ANKRD27: variants seen among roughly 807,000 people sequenced by gnomAD.
ANKRD27 encodes the protein ankyrin repeat domain 27, also known as ankyrin repeat domain-containing protein 27.
ANKRD27 carries 112 observed loss-of-function variants against 129.7 expected under a neutral mutation model. That is an observed-to-expected ratio of 0.86 (90% CI 0.74 to 1.01). ANKRD27 has a LOEUF of 1.01. Ranked by LOEUF, ANKRD27 falls within the 50% of genes least tolerant of loss-of-function variation. The pLI, the probability that ANKRD27 is intolerant of heterozygous loss-of-function variation, is 0.00. For synonymous variants in ANKRD27, 516 were observed against 511.2 expected, an observed-to-expected ratio of 1.01 and a Z score of -0.13; for missense variants, 1,258 against 1,300.5, an observed-to-expected ratio of 0.97 and a Z score of 0.50.
chr19:32,647,950 T>C (rs1208301635), intron 3 of ANKRD27, among the ~76,000 whole-genome samples: 5 of 152,172 alleles, frequency 3.3e-5, no homozygotes, highest in African/African-American at 1.2e-4. Context: ...AACAGCTCAA[T>C]GTTTTTTCTG....
rs147498918 is a variant in ANKRD27 at position 32,599,722 on chromosome 19, G to A, written c.2901C>T (p.Thr967=). ...AACTTACCTCATGCAAAGAACCTTC[G>A]GTTAAATTAGGGACACTTCTATCTC... ...MARDRSVPNL[T]EGSLHEPGRQ... is the part of the protein sequence containing the mutation. Residue 967 remains threonine, a synonymous_variant, in exon 28 of 29, where the codon ACC becomes ACT. Transcript: ENST00000306065. The A allele has an allele frequency of 1.9e-4, 308 of 1,612,962 alleles. No homozygotes were observed. Among genetic ancestry groups the A allele is most frequent in the Non-Finnish European group, 2.5e-4 (299 of 1,179,772 alleles).
intron 26 of ANKRD27, chr19:32,600,383 T>C (rs868620732): frequency 1.5e-5 from 3 of 194,246 alleles, no homozygotes; most frequent in East Asian, 1.2e-4. Flanking sequence ...CTACCCAAAA[T>C]ACAAAAACTT....
At chr19:32,672,888 T>G (rs867074755) in intron 1 of ANKRD27, 1 of 152,284 alleles carries the variant, frequency 6.6e-6, no homozygotes, top group Non-Finnish European at 1.5e-5. Context: ...TCTGGATCCT[T>G]CTGGGCTGAA....
chr19:32,671,299 AGT>A (rs1218779373), intron 1 of ANKRD27, among the ~76,000 whole-genome samples: 1 of 151,736 alleles, frequency 6.6e-6, no homozygotes, highest in Admixed American at 6.6e-5. Context: ...AAAAAAAAAA[AGT>A]AATAATCTCA....
rs533210419 is a variant in ANKRD27, at chr19:32,655,816, G to A, written c.102+3098C>T. 1.9e-4 allele frequency among the ~76,000 whole-genome samples: 29 copies of A among 152,082 alleles called. No individual in the cohort carries two copies. In the East Asian group the frequency reaches 3.5e-3, roughly 18 times the overall value. On this transcript the variant is annotated intron_variant, in intron 2 of 28. Coordinates refer to ENST00000306065, the MANE Select transcript of ANKRD27 (RefSeq NM_032139.3). Reference sequence around the variant, plus strand: ...ATGGATCACTTGAGGTCAGGAGTTCGAGACCAGCCTGCTCAACATAGTGAA... The same window carrying A: ...ATGGATCACTTGAGGTCAGGAGTTCAAGACCAGCCTGCTCAACATAGTGAA...
chr19:32,619,320 G>A lies in ANKRD27; in HGVS notation c.1947C>T (p.Ser649=). The part of the protein sequence containing the change: ...VDSISQESST[S]SFSSMSASSR... Reference sequence around the variant, plus strand: ...AGCTGGCTGACATGGAGGAGAAGCTGGAAGTGGAGGACTCTTGGCTGATGG... The same window carrying A: ...AGCTGGCTGACATGGAGGAGAAGCTAGAAGTGGAGGACTCTTGGCTGATGG... The change falls in exon 20 of 29, where the codon TCC becomes TCT. Residue 649 remains serine (S), a synonymous_variant. Coordinates refer to ENST00000306065, the MANE Select transcript of ANKRD27 (RefSeq NM_032139.3). 2 of 1,614,012 alleles carry A rather than the reference G, an allele frequency of 1.2e-6. No individual in the cohort carries two copies. The highest frequency in any genetic ancestry group is 1.7e-6 in the Non-Finnish European group (2 of 1,180,026).
chr19:32,663,521 T>A (rs1264003254), intron 1 of ANKRD27, among the ~76,000 whole-genome samples: 1 of 152,232 alleles, frequency 6.6e-6, no homozygotes, highest in Admixed American at 6.5e-5. Flanking sequence ...AAATCAAGTG[T>A]CTAATTATAT....
intron 2 of ANKRD27, among the ~76,000 whole-genome samples, chr19:32,651,381 T>G (rs894047206): frequency 6.6e-6 from 1 of 151,866 alleles, no homozygotes; most frequent in Non-Finnish European, 1.5e-5. Flanking sequence ...AGGAACTTCT[T>G]TTTTTTTGAG....
chr19:32,621,499 G>A (rs891551039), intron 18 of ANKRD27, among the ~76,000 whole-genome samples: 2 of 152,004 alleles, frequency 1.3e-5, no homozygotes, highest in African/African-American at 2.4e-5. Context: ...GTGGTGGTGG[G>A]CACCTGTAAT....
chr19:32,649,642 C>G, intron 3 of ANKRD27, 40 bp downstream of exon 3: 1 of 1,396,540 alleles, frequency 7.2e-7, no homozygotes, highest in Middle Eastern at 1.8e-4. Context: ...CCCCAAACAC[C>G]GAGTAGGTGA....
At chr19:32,634,366 A>T (rs1967051921) in intron 12 of ANKRD27, among the ~76,000 whole-genome samples, 1 of 152,226 alleles carries the variant, frequency 6.6e-6, no homozygotes, top group South Asian at 2.1e-4. Flanking sequence ...CAGTAAATAT[A>T]CGAGCATCTC....
chr19:32,625,968 T>A lies in ANKRD27; in HGVS notation c.1537-2A>T, dbSNP rs1972084222. On this transcript the variant is annotated splice_acceptor_variant, in intron 16 of 28. Transcript: ENST00000306065. LOFTEE classifies it high-confidence loss of function. ...GGCCTTGTAGTGCAGCAGCAGCAGC[T>A]GCGGAGATAAAGGAAAGCGATGAGC... 6.2e-7 allele frequency: 1 copy of A among 1,603,168 alleles called. No homozygotes were observed. Among genetic ancestry groups the A allele is most frequent in the African/African-American group, 1.3e-5 (1 of 74,770 alleles).
chr19:32,616,379 C>T (rs1971919640), intron 21 of ANKRD27, among the ~76,000 whole-genome samples: 1 of 151,962 alleles, frequency 6.6e-6, no homozygotes, highest in African/African-American at 2.4e-5. Flanking sequence ...ATGGTGAAAC[C>T]CCGTCTCTGC....
At position 32,615,670 on chromosome 19, in the gene ANKRD27, G is replaced by A. The variant is rs759293979; in HGVS notation, c.2163C>T (p.Ala721=). 14 of 1,614,148 alleles carry A rather than the reference G, an allele frequency of 8.7e-6. No homozygotes were observed. Among genetic ancestry groups the A allele is most frequent in the Non-Finnish European group, 1.1e-5 (13 of 1,180,028 alleles). The change falls in exon 22 of 29, where the codon GCC becomes GCT. Residue 721 remains alanine (A), a synonymous_variant. Transcript: ENST00000306065. ...CHPLCQCPKC[A]PAQKRLAKVP... is the part of the protein sequence containing the mutation. ...AACAAAGCCAAACCTTCTGAGCTGGGGCACACTTGGGGCACTGGCACAACG... is the reference window on the plus strand; with the variant it reads ...AACAAAGCCAAACCTTCTGAGCTGGAGCACACTTGGGGCACTGGCACAACG...
intron 22 of ANKRD27, among the ~76,000 whole-genome samples, chr19:32,612,248 T>G (rs532848570): frequency 7.9e-5 from 12 of 152,268 alleles, no homozygotes; most frequent in Non-Finnish European, 1.6e-4. Flanking sequence ...CTTGGAGAGA[T>G]GTACCATGTT....
intron 25 of ANKRD27, among the ~76,000 whole-genome samples, chr19:32,603,142 C>A (rs906877767): frequency 3.3e-5 from 5 of 151,926 alleles, no homozygotes; most frequent in Admixed American, 6.6e-5. Context: ...ACAAAAAATA[C>A]AAAAATTTAG....
intron 10 of ANKRD27, among the ~76,000 whole-genome samples, chr19:32,640,728 C>T (rs535818605): frequency 6.6e-6 from 1 of 152,178 alleles, no homozygotes; most frequent in Non-Finnish European, 1.5e-5. Flanking sequence ...ATAGCAAGAC[C>T]CCCACCTCTA....
At chr19:32,617,742 C>T (rs981459130) in intron 20 of ANKRD27, 109 bp from the exon 21 acceptor site, 11 of 476,986 alleles carry the variant, frequency 2.3e-5, no homozygotes, top group South Asian at 1.5e-4. Context: ...GGACTTTTAA[C>T]GTCTGATTTA....
intron 2 of ANKRD27, among the ~76,000 whole-genome samples, chr19:32,656,063 G>A (rs200016734): frequency 5.0e-4 from 19 of 38,146 alleles, no homozygotes; most frequent in African/African-American, 1.6e-3. Flanking sequence ...AGAAAGAAAA[G>A]AAAGAAAGAA....
Sources: allele counts gnomAD v4.1 joint callset (sites outside exome capture counted in the v4.1 genomes callset), GRCh38; gene constraint gnomAD v4.1.1; transcripts MANE v1.5; gene names NCBI Gene and HGNC (gene_info 2026-07-23, HGNC 2026-07-21).